The following MYCBP2 variants were observed in gnomAD, a reference collection of about 807,000 sequenced individuals.
MYCBP2 encodes the protein E3 ubiquitin-protein ligase MYCBP2.
A neutral mutation model predicts 525.3 loss-of-function variants in MYCBP2; 120 were observed. The ratio of observed to expected loss-of-function variants is 0.23; its 90% CI spans 0.20 to 0.27. MYCBP2 has a LOEUF of 0.27. MYCBP2 is among the 10% of genes least tolerant of loss of function. The probability of loss-of-function intolerance (pLI) is 1.00; values close to 1 mark genes in which losing one functional copy is unlikely to be tolerated. For synonymous variants in MYCBP2, 1,894 were observed against 1,955.8 expected, an observed-to-expected ratio of 0.97 and a Z score of 0.83; for missense variants, 4,149 against 5,657.1, an observed-to-expected ratio of 0.73 and a Z score of 8.55.
At chr13:77,171,690 G>T in intron 37 of MYCBP2, 56 bp from the exon 38 acceptor site, 1 of 1,542,066 alleles carries the variant, frequency 6.5e-7, no homozygotes, top group East Asian at 2.3e-5. Flanking sequence ...ACATGATCCA[G>T]TGCCAGAAAT....
chr13:77,168,778 AAAGAG>A, intron 39 of MYCBP2, 132 bp from the exon 40 acceptor site: 1 of 723,122 alleles, frequency 1.4e-6, no homozygotes, highest in Non-Finnish European at 2.3e-6. Context: ...GTTTTTGTCC[AAAGAG>A]AAATCTTTCA....
chr13:77,269,944 T>C (rs1478287512), intron 7 of MYCBP2, 48 bp downstream of exon 7: 6 of 1,337,622 alleles, frequency 4.5e-6, no homozygotes, highest in Admixed American at 1.9e-5. Context: ...ACAAATCACA[T>C]GTTGTAAAAG....
In MYCBP2 at chr13:77,098,242, A is replaced by G. The variant is rs957566000; in HGVS notation, c.8912T>C (p.Ile2971Thr). ...DEGSNKVHFS[I>T]GKAPLKDEQE... ...TTCATCTTTCAGTGGTGCTTTTCCAATGCTAAAATGAACTTTATTTGAACC... is the reference window on the plus strand; with the variant it reads ...TTCATCTTTCAGTGGTGCTTTTCCAGTGCTAAAATGAACTTTATTTGAACC... The change falls in exon 56 of 83, where the codon ATT becomes ACT. Residue 2971 changes from isoleucine to threonine, a missense_variant. Around this residue, in one of 21 missense-constraint regions of MYCBP2, gnomAD observed 653 missense variants for 744.7 expected, o/e 0.88. Coordinates refer to ENST00000544440, the MANE Select transcript of MYCBP2 (RefSeq NM_015057.5). 6.2e-7 allele frequency: 1 copy of G among 1,613,304 alleles called. No individual in the cohort carries two copies. Among genetic ancestry groups the G allele is most frequent in the Non-Finnish European group, 8.5e-7 (1 of 1,179,790 alleles).
chr13:77,218,834 C>A (rs2065163475), intron 20 of MYCBP2, among the ~76,000 whole-genome samples: 1 of 152,248 alleles, frequency 6.6e-6, no homozygotes, highest in Admixed American at 6.5e-5. Flanking sequence ...AGCAGGAGAG[C>A]TCTGCTTTTG....
chr13:77,314,781 A>C (rs1486266622), intron 1 of MYCBP2, among the ~76,000 whole-genome samples: 3 of 152,202 alleles, frequency 2.0e-5, no homozygotes. Context: ...ATGATGTGTC[A>C]GTGGAGGTTA....
intron 20 of MYCBP2, among the ~76,000 whole-genome samples, chr13:77,219,798 G>A (rs1322712504): frequency 6.6e-6 from 1 of 152,122 alleles, no homozygotes; most frequent in African/African-American, 2.4e-5. Context: ...AGATGGAATA[G>A]ATACATACCG....
intron 26 of MYCBP2, among the ~76,000 whole-genome samples, chr13:77,202,807 C>T (rs1440748795): frequency 1.3e-5 from 2 of 152,208 alleles, no homozygotes; most frequent in African/African-American, 4.8e-5. Flanking sequence ...AGGATTATCT[C>T]AACAGATGCA....
At chr13:77,124,762 T>C (rs1051597807) in intron 54 of MYCBP2, among the ~76,000 whole-genome samples, 1 of 152,176 alleles carries the variant, frequency 6.6e-6, no homozygotes, top group Admixed American at 6.5e-5. Flanking sequence ...TAATGTGGTC[T>C]CAACTTCGAA....
intron 26 of MYCBP2, among the ~76,000 whole-genome samples, chr13:77,204,890 G>A (rs1247905534): frequency 8.3e-6 from 1 of 120,168 alleles, no homozygotes; most frequent in Non-Finnish European, 1.6e-5. Context: ...ACACTCTGGA[G>A]ACTGTTGTGG....
intron 18 of MYCBP2, among the ~76,000 whole-genome samples, chr13:77,226,884 A>T (rs2066358401): frequency 6.6e-6 from 1 of 152,188 alleles, no homozygotes; most frequent in South Asian, 2.1e-4. Context: ...CATACAGAAC[A>T]CTGAAGTAAA....
intron 1 of MYCBP2, 129 bp from the exon 2 acceptor site, chr13:77,296,803 A>G (rs2078237873): frequency 1.4e-6 from 1 of 722,692 alleles, no homozygotes; most frequent in Non-Finnish European, 2.1e-6. Context: ...TATGTGAAAC[A>G]ATATACTTTA....
At chr13:77,118,235 A>T (rs958849124) in intron 55 of MYCBP2, 7 of 592,538 alleles carry the variant, frequency 1.2e-5, no homozygotes, top group South Asian at 2.1e-5. Context: ...CATCCTAATT[A>T]AAAAAAACCA....
chr13:77,265,236 TC>T (rs1160197533), intron 8 of MYCBP2, among the ~76,000 whole-genome samples: 1 of 151,992 alleles, frequency 6.6e-6, no homozygotes, highest in African/African-American at 2.4e-5. Flanking sequence ...AAGAAAGAGT[TC>T]CTAGTCCACT....
At chr13:77,106,594 G>T (rs1363539524) in intron 55 of MYCBP2, among the ~76,000 whole-genome samples, 2 of 152,050 alleles carry the variant, frequency 1.3e-5, no homozygotes, top group Non-Finnish European at 2.9e-5. Flanking sequence ...ACAGCAAAAA[G>T]AATCTTTGGC....
chr13:77,077,214 G>A lies in MYCBP2; in HGVS notation c.11658C>T (p.Ala3886=), dbSNP rs1474572475. Residue 3886 remains alanine, a synonymous_variant, in exon 67 of 83, where the codon GCC becomes GCT. Coordinates refer to ENST00000544440, the MANE Select transcript of MYCBP2 (RefSeq NM_015057.5). The part of the protein sequence containing the change: ...ESTKIAGQIS[A]SVAQQRNCEA... ...CACAGTTCCTCTGCTGGGCCACACTGGCTGAAATCTGGCCAGCTATTTTTG... is the reference window on the plus strand; with the variant it reads ...CACAGTTCCTCTGCTGGGCCACACTAGCTGAAATCTGGCCAGCTATTTTTG... The A allele has an allele frequency of 1.2e-6, 2 of 1,613,996 alleles. No homozygotes were observed. Among genetic ancestry groups the A allele is most frequent in the Non-Finnish European group, 1.7e-6 (2 of 1,179,948 alleles).
At position 77,202,846 on chromosome 13, in the gene MYCBP2, C is replaced by G. The variant is rs538663709; in HGVS notation, c.3843+2410G>C. ...AAGGCCTTTGACAAAATTCAACAACCCTTCATGCTAAAAACTCTCAATAAA... is the reference window on the plus strand; with the variant it reads ...AAGGCCTTTGACAAAATTCAACAACGCTTCATGCTAAAAACTCTCAATAAA... On this transcript the variant is annotated intron_variant, in intron 26 of 82. Coordinates refer to ENST00000544440, the MANE Select transcript of MYCBP2 (RefSeq NM_015057.5). 1.0e-3 allele frequency among the ~76,000 whole-genome samples: 155 copies of G among 152,168 alleles called. 1 individual carries two copies. The highest frequency in any genetic ancestry group is 2.4e-3 in the African/African-American group (101 of 41,504).
intron 71 of MYCBP2, 46 bp from the exon 72 acceptor site, chr13:77,066,134 T>C (rs1471988126): frequency 1.6e-6 from 2 of 1,257,506 alleles, no homozygotes; most frequent in East Asian, 2.3e-5. Flanking sequence ...TTATCAGTAG[T>C]AGTAACAAAT....
chr13:77,317,155 T>G lies in MYCBP2; in HGVS notation c.302+9319A>C, dbSNP rs970120991. Among the ~76,000 whole-genome samples, 6 of 152,322 alleles carry G rather than the reference T, an allele frequency of 3.9e-5. No homozygotes were observed. The South Asian group carries it at 1.0e-3, about 26-fold the overall frequency. On this transcript the variant is annotated intron_variant, in intron 1 of 82. Transcript: ENST00000544440. ...GTAGTACAAACAGGGTCTCACCATG[T>G]TGGCTGAGCTGGTTTCGAACTCCTG... is the stretch of plus-strand genomic sequence containing the variant.
Position 77,279,640 on chromosome 13 carries a change from A to G in MYCBP2, c.595-729T>C, listed in dbSNP as rs547289950. On this transcript the variant is annotated intron_variant, in intron 3 of 82. Coordinates refer to ENST00000544440, the MANE Select transcript of MYCBP2 (RefSeq NM_015057.5). Reference sequence around the variant, plus strand: ...AGACTAATTAGTAGAAACTCCCAAAACCATTAATTCTATTGAACACAACAG... The same window carrying G: ...AGACTAATTAGTAGAAACTCCCAAAGCCATTAATTCTATTGAACACAACAG... 8.5e-5 allele frequency among the ~76,000 whole-genome samples: 13 copies of G among 152,222 alleles called. No individual in the cohort carries two copies. In the South Asian group the frequency reaches 2.7e-3, roughly 32 times the overall value.
Sources: allele counts gnomAD v4.1 joint callset (sites outside exome capture counted in the v4.1 genomes callset), GRCh38; gene constraint gnomAD v4.1.1; regional missense constraint gnomAD v4.1.1; transcripts MANE v1.5; gene names NCBI Gene and HGNC (gene_info 2026-07-23, HGNC 2026-07-21).